The following PCDHGA5 variants were observed in gnomAD, a reference collection of about 807,000 sequenced individuals.
PCDHGA5 encodes the protein protocadherin gamma-A5.
In PCDHGA5, 36 loss-of-function variants were observed where a neutral mutation model predicts 56.7. The ratio of observed to expected loss-of-function variants is 0.64; its 90% CI spans 0.49 to 0.84. The LOEUF is 0.84. Ranked by LOEUF, PCDHGA5 falls within the 40% of genes least tolerant of loss-of-function variation. The pLI is 0.00. For missense variants in PCDHGA5, 1,305 were observed against 1,201.5 expected (o/e 1.09, Z -1.27); for synonymous variants, 563 against 520.2 (o/e 1.08, Z -1.12).
chr5:141,466,375 C>A (rs2099121518), intron 1 of PCDHGA5, among the ~76,000 whole-genome samples: 1 of 152,042 alleles, frequency 6.6e-6, no homozygotes, highest in Non-Finnish European at 1.5e-5. Context: ...GGTTTTGGCA[C>A]CCATCTAATG....
At chr5:141,375,640 C>G (rs1375647493) in intron 1 of PCDHGA5, 1 of 1,614,226 alleles carries the variant, frequency 6.2e-7, no homozygotes, top group Non-Finnish European at 8.5e-7. Context: ...CCCTGCGCTC[C>G]TTCGACTATG....
chr5:141,422,715 T>C, intron 1 of PCDHGA5: 7 of 1,603,978 alleles, frequency 4.4e-6, no homozygotes, highest in African/African-American at 1.3e-5. Context: ...CGGATGACAC[T>C]GTCCAGGGGG....
At chr5:141,467,005 G>A (rs1365805332) in intron 1 of PCDHGA5, among the ~76,000 whole-genome samples, 3 of 150,724 alleles carry the variant, frequency 2.0e-5, no homozygotes, top group Non-Finnish European at 4.4e-5. Flanking sequence ...TTTTTGCAAT[G>A]CAATTTTTTT....
At chr5:141,428,169 G>T (rs758370904) in intron 1 of PCDHGA5, 5 of 1,539,960 alleles carry the variant, frequency 3.2e-6, no homozygotes, top group South Asian at 2.2e-5. Context: ...GTTGCTGTGC[G>T]TGACGGAGGA....
In PCDHGA5 at chr5:141,415,740, GTTTTTTTTTT is replaced by G. The variant is rs57426385; in HGVS notation, c.2421+49012_2421+49021del. The G allele has an allele frequency of 4.3e-3, 2,655 of 623,934 alleles. 2 individuals carry two copies. The highest frequency in any genetic ancestry group is 4.3e-3 in the Non-Finnish European group (2,016 of 468,394). The allele number at this position is 623,934 out of a possible 1,614,324, so 38.6% of individuals were successfully genotyped here. ...TGAGTAGAATTTGATGTTTATTAAG[GTTTTTTTTTT>G]TTTTTTTTTTTTTTTTTTTTTTACT... On this transcript the variant is annotated intron_variant, in intron 1 of 3. Coordinates refer to ENST00000518069, the MANE Select transcript of PCDHGA5 (RefSeq NM_018918.3).
chr5:141,476,046 C>T lies in PCDHGA5; in HGVS notation c.2422-18761C>T. 6.7e-7 allele frequency: 1 copy of T among 1,491,396 alleles called. No individual in the cohort carries two copies. Among genetic ancestry groups the T allele is most frequent in the Non-Finnish European group, 8.9e-7 (1 of 1,122,928 alleles). 92.4% of individuals were successfully genotyped at this position (1,491,396 alleles called of 1,614,324 possible). On this transcript the variant is annotated intron_variant, in intron 1 of 3. Coordinates refer to ENST00000518069, the MANE Select transcript of PCDHGA5 (RefSeq NM_018918.3). This position sits in a 1 kb window ranked among gnomAD's most constrained non-coding sequence, Gnocchi z 7.6. ...CGGCGCCCAGCGCCCAAGCGCTAAC[C>T]CGCTGAAAGTTTCTCAGCGAAATCT...
intron 1 of PCDHGA5, chr5:141,428,054 G>A (rs763394113): frequency 6.2e-7 from 1 of 1,609,038 alleles, no homozygotes; most frequent in Admixed American, 1.7e-5. Context: ...CCAAGGTGGT[G>A]GCGGTGGACG....
At position 141,432,015 on chromosome 5, in the gene PCDHGA5, A is replaced by G. The variant is rs745405194; in HGVS notation, c.2422-62792A>G. 6.2e-7 allele frequency: 1 copy of G among 1,614,196 alleles called. No individual in the cohort carries two copies. Among genetic ancestry groups the G allele is most frequent in the Admixed American group, 1.7e-5 (1 of 60,032 alleles). On this transcript the variant is annotated intron_variant, in intron 1 of 3. Coordinates refer to ENST00000518069, the MANE Select transcript of PCDHGA5 (RefSeq NM_018918.3). The surrounding 1 kb of genome is among the most constrained non-coding windows in gnomAD (Gnocchi z 6.0). ...GATAGGGAACAGGTTCCTAGCTACA[A>G]CATCACAGTGACCGCCACTGACCGG...
chr5:141,405,974 A>T (rs1194827537), intron 1 of PCDHGA5, among the ~76,000 whole-genome samples: 1 of 152,002 alleles, frequency 6.6e-6, no homozygotes, highest in Non-Finnish European at 1.5e-5. Context: ...AACGTAAACC[A>T]TACTTCATGG....
intron 1 of PCDHGA5, chr5:141,383,860 G>A: frequency 6.2e-7 from 1 of 1,613,926 alleles, no homozygotes; most frequent in Non-Finnish European, 8.5e-7. Flanking sequence ...GGAGGTTCAG[G>A]CTCAAGATGG....
chr5:141,371,469 G>T, intron 1 of PCDHGA5: 1 of 1,613,990 alleles, frequency 6.2e-7, no homozygotes, highest in Non-Finnish European at 8.5e-7. Flanking sequence ...TATACAAGAA[G>T]ATGCTGAGCT....
At chr5:141,494,708 C>T (rs1481947557) in intron 1 of PCDHGA5, 99 bp from the exon 2 acceptor site, 2 of 1,599,566 alleles carry the variant, frequency 1.3e-6, no homozygotes, top group Non-Finnish European at 1.7e-6. Flanking sequence ...CTTCTCTGTG[C>T]CCACTCCCCT....
At chr5:141,399,062 C>T in intron 1 of PCDHGA5, 1 of 1,613,790 alleles carries the variant, frequency 6.2e-7, no homozygotes, top group Non-Finnish European at 8.5e-7. Context: ...AAGGAATATT[C>T]AATGGTTGTA....
intron 1 of PCDHGA5, chr5:141,370,244 A>G: frequency 1.6e-6 from 1 of 633,826 alleles, no homozygotes; most frequent in Non-Finnish European, 2.6e-6. Context: ...AGAAAAGTGC[A>G]CTCTCTATCA....
chr5:141,504,161 T>C (rs931754061), intron 2 of PCDHGA5, among the ~76,000 whole-genome samples: 1 of 152,196 alleles, frequency 6.6e-6, no homozygotes, highest in Non-Finnish European at 1.5e-5. Context: ...AATAATTTCA[T>C]CCTTGGAAAT....
chr5:141,510,428 G>A (rs1254357998), intron 3 of PCDHGA5, among the ~76,000 whole-genome samples: 2 of 152,092 alleles, frequency 1.3e-5, no homozygotes, highest in African/African-American at 4.8e-5. Flanking sequence ...TGGTTTCATG[G>A]CTGCTGCCCT....
intron 1 of PCDHGA5, chr5:141,375,340 C>T (rs1177631226): frequency 1.2e-6 from 2 of 1,613,836 alleles, no homozygotes; most frequent in African/African-American, 1.3e-5. Context: ...TCTTGTACAA[C>T]ATCACTGTGA....
chr5:141,491,583 C>G lies in PCDHGA5; in HGVS notation c.2422-3224C>G. On this transcript the variant is annotated intron_variant, in intron 1 of 3. Coordinates refer to ENST00000518069, the MANE Select transcript of PCDHGA5 (RefSeq NM_018918.3). This position sits in a 1 kb window ranked among gnomAD's most constrained non-coding sequence, Gnocchi z 6.9. ...GCTACAGGACGTGCTTTTCACCGGC[C>G]TCGGACGGCAGTGACTTCACTTTTC... is the stretch of plus-strand genomic sequence containing the variant. 1 of 1,613,964 alleles carries G rather than the reference C, an allele frequency of 6.2e-7. No individual in the cohort carries two copies. The highest frequency in any genetic ancestry group is 8.5e-7 in the Non-Finnish European group (1 of 1,180,046).
intron 1 of PCDHGA5, among the ~76,000 whole-genome samples, chr5:141,483,646 GTT>G (rs2099584256): frequency 6.8e-6 from 1 of 146,706 alleles, no homozygotes; most frequent in Admixed American, 6.7e-5. Flanking sequence ...AGGGGTGTGT[GTT>G]TGTGTGTGTG....
Sources: allele counts gnomAD v4.1 joint callset (sites outside exome capture counted in the v4.1 genomes callset), GRCh38; gene constraint gnomAD v4.1.1; non-coding constraint Gnocchi (gnomAD v3.1); transcripts MANE v1.5; gene names NCBI Gene and HGNC (gene_info 2026-07-23, HGNC 2026-07-21).